Variants in GALNT18 observed in about 807,000 individuals in gnomAD.
The protein encoded by GALNT18 is GalNAc-transferase 18.
A neutral mutation model predicts 69.5 loss-of-function variants in GALNT18; 44 were observed. The ratio of observed to expected loss-of-function variants is 0.63; its 90% CI spans 0.50 to 0.81. The LOEUF is 0.81. Among genes scored for constraint, GALNT18 ranks in the 40% least tolerant of loss-of-function variants. GALNT18 has a pLI of 0.00. For synonymous variants in GALNT18, 364 were observed against 318.2 expected (o/e 1.14, Z -1.53); for missense variants, 715 against 810.0 (o/e 0.88, Z 1.42).
At chr11:11,489,551 C>T (rs1439454978) in intron 1 of GALNT18, among the ~76,000 whole-genome samples, 2 of 152,188 alleles carry the variant, frequency 1.3e-5, no homozygotes, top group Non-Finnish European at 2.9e-5. Flanking sequence ...AAGATAGAAT[C>T]AGTTCCACCC....
Position 11,430,286 on chromosome 11 carries a change from G to T in GALNT18, c.595+2335C>A, listed in dbSNP as rs1379716040. Among the ~76,000 whole-genome samples the T allele has an allele frequency of 6.6e-6, 1 of 152,168 alleles. No homozygotes were observed. Among genetic ancestry groups the T allele is most frequent in the Non-Finnish European group, 1.5e-5 (1 of 68,036 alleles). ...TAGATTCACAAAAGTGTACAAGAAG[G>T]TTTCATATGCCCCTCACCCAGTATT... On this transcript the variant is annotated intron_variant, in intron 3 of 10. Transcript: ENST00000227756. This position sits in a 1 kb window ranked among gnomAD's most constrained non-coding sequence, Gnocchi z 4.9.
chr11:11,353,454 C>G (rs1850463379), intron 6 of GALNT18: 5 of 436,334 alleles, frequency 1.1e-5, no homozygotes, highest in Non-Finnish European at 2.0e-5. Flanking sequence ...GCACCGTCTC[C>G]TTGTGGACAT....
intron 10 of GALNT18, among the ~76,000 whole-genome samples, chr11:11,274,566 T>G (rs868289164): frequency 1.1e-4 from 16 of 152,236 alleles, no homozygotes; most frequent in African/African-American, 3.4e-4. Context: ...TTTTTATTAT[T>G]GTACTTTAAG....
chr11:11,440,361 C>T (rs1253080377), intron 2 of GALNT18, among the ~76,000 whole-genome samples: 3 of 152,148 alleles, frequency 2.0e-5, no homozygotes, highest in Non-Finnish European at 4.4e-5. Context: ...GGAAAAGCCA[C>T]GTTAGGGACA....
At position 11,404,678 on chromosome 11, in the gene GALNT18, C is replaced by A. The variant is rs1020800574; in HGVS notation, c.596-25414G>T. ...CATATTCTCATTCAAATGGGACTCTCTCTGTCTCAACTCTCATTTCAACCT... is the reference window on the plus strand; with the variant it reads ...CATATTCTCATTCAAATGGGACTCTATCTGTCTCAACTCTCATTTCAACCT... On this transcript the variant is annotated intron_variant, in intron 3 of 10. Transcript: ENST00000227756. The surrounding 1 kb of genome is among the most constrained non-coding windows in gnomAD (Gnocchi z 4.5). Among the ~76,000 whole-genome samples, 95 of 152,330 alleles carry A rather than the reference C, an allele frequency of 6.2e-4. No homozygotes were observed. The highest frequency in any genetic ancestry group is 2.2e-3 in the African/African-American group (92 of 41,574).
At chr11:11,290,745 GGTTCCATTC>G (rs1248213344) in intron 10 of GALNT18, among the ~76,000 whole-genome samples, 7 of 152,186 alleles carry the variant, frequency 4.6e-5, no homozygotes, top group East Asian at 3.9e-4. Flanking sequence ...CTTCCTGCAT[GGTTCCATTC>G]GTTCCATTCA....
Position 11,338,460 on chromosome 11 carries a change from G to A in GALNT18, c.1278+2359C>T, listed in dbSNP as rs979549150. On this transcript the variant is annotated intron_variant, in intron 7 of 10. Coordinates refer to ENST00000227756, the MANE Select transcript of GALNT18 (RefSeq NM_198516.3). This position sits in a 1 kb window ranked among gnomAD's most constrained non-coding sequence, Gnocchi z 5.3. ...GAGGTCGGGGTGGGAAGGAGGGCTT[G>A]TGATTGACTGGGACAGGGCATTGAG... 5.9e-5 allele frequency among the ~76,000 whole-genome samples: 9 copies of A among 152,172 alleles called. No homozygotes were observed. Among genetic ancestry groups the A allele is most frequent in the African/African-American group, 2.2e-4 (9 of 41,440 alleles).
intron 3 of GALNT18, among the ~76,000 whole-genome samples, chr11:11,398,833 A>G (rs1854393047): frequency 6.6e-6 from 1 of 152,222 alleles, no homozygotes; most frequent in Non-Finnish European, 1.5e-5. Context: ...GAGTGGAAGA[A>G]CAATGTCCCA....
In GALNT18 at chr11:11,601,561, T is replaced by A. The variant is rs180750902; in HGVS notation, c.235+19798A>T. On this transcript the variant is annotated intron_variant, in intron 1 of 10. Transcript: ENST00000227756. This position sits in a 1 kb window ranked among gnomAD's most constrained non-coding sequence, Gnocchi z 4.0. ...TAGTTGCTACCTGATTGCTCTATTATTTTCAACGGTGCCTTTAGGCATAAA... is the reference window on the plus strand; with the variant it reads ...TAGTTGCTACCTGATTGCTCTATTAATTTCAACGGTGCCTTTAGGCATAAA... Among the ~76,000 whole-genome samples the A allele has an allele frequency of 6.6e-6, 1 of 152,348 alleles. No individual in the cohort carries two copies. The highest frequency in any genetic ancestry group is 6.5e-5 in the Admixed American group (1 of 15,306).
intron 3 of GALNT18, among the ~76,000 whole-genome samples, chr11:11,399,374 G>A (rs915359698): frequency 6.6e-6 from 1 of 152,152 alleles, no homozygotes. Context: ...TCTTTAAGAG[G>A]TTCACCTTTA....
intron 10 of GALNT18, among the ~76,000 whole-genome samples, chr11:11,287,605 ACT>A (rs1849217451): frequency 1.3e-5 from 2 of 152,278 alleles, no homozygotes; most frequent in African/African-American, 4.8e-5. Flanking sequence ...TACGAAGGCT[ACT>A]CTCAGAAGGT....
intron 1 of GALNT18, among the ~76,000 whole-genome samples, chr11:11,455,410 G>A (rs1045815249): frequency 1.3e-5 from 2 of 152,064 alleles, no homozygotes; most frequent in Non-Finnish European, 2.9e-5. Flanking sequence ...GATGCTTGAA[G>A]TGAGGGGAAA....
intron 9 of GALNT18, among the ~76,000 whole-genome samples, chr11:11,323,404 G>A (rs1283266248): frequency 6.6e-6 from 1 of 152,234 alleles, no homozygotes; most frequent in Non-Finnish European, 1.5e-5. Flanking sequence ...GAAGGAGAGT[G>A]ATGAGTCCCA....
intron 3 of GALNT18, among the ~76,000 whole-genome samples, chr11:11,388,922 T>C (rs930179139): frequency 2.6e-5 from 4 of 152,230 alleles, no homozygotes; most frequent in Non-Finnish European, 5.9e-5. Context: ...CTGCTTCATT[T>C]ATTACTCATT....
At chr11:11,516,098 C>G (rs1857269710) in intron 1 of GALNT18, among the ~76,000 whole-genome samples, 1 of 152,176 alleles carries the variant, frequency 6.6e-6, no homozygotes, top group African/African-American at 2.4e-5. Context: ...GCCGTCACCA[C>G]AGCCGCCTTC....
chr11:11,343,871 G>A (rs1039082597), intron 6 of GALNT18, among the ~76,000 whole-genome samples: 2 of 152,112 alleles, frequency 1.3e-5, no homozygotes, highest in African/African-American at 2.4e-5. Flanking sequence ...ATGGTGGTGC[G>A]GCTCCTCCCA....
chr11:11,578,330 C>CA (rs57579910), intron 1 of GALNT18, among the ~76,000 whole-genome samples: 45,065 of 120,588 alleles, frequency 0.37, 9,089 homozygotes, highest in Non-Finnish European at 0.44. Flanking sequence ...TAAAAAGAAC[C>CA]AAAAAAAAAA....
chr11:11,438,425 T>C (rs1217874533), intron 2 of GALNT18, among the ~76,000 whole-genome samples: 1 of 152,198 alleles, frequency 6.6e-6, no homozygotes, highest in Non-Finnish European at 1.5e-5. Context: ...ACTAAAAACT[T>C]CCATTTACTG....
chr11:11,426,443 GAGCCATGCTAAAATGC>G (rs1855132284), intron 3 of GALNT18, among the ~76,000 whole-genome samples: 1 of 152,172 alleles, frequency 6.6e-6, no homozygotes. Context: ...GAGTGCCCTG[GAGCCATGCTAAAATGC>G]AGGTTTCAGG....
Sources: gnomAD v4.1 joint callset for allele counts (sites outside exome capture counted in the v4.1 genomes callset) on GRCh38, gnomAD v4.1.1 for gene constraint, Gnocchi (gnomAD v3.1) non-coding constraint, MANE v1.5 for transcripts, NCBI Gene and HGNC (gene_info 2026-07-23, HGNC 2026-07-21) for gene names.